VPS13C: variants seen among roughly 807,000 people sequenced by gnomAD.
The protein encoded by VPS13C is intermembrane lipid transfer protein VPS13C.
In VPS13C, 358 loss-of-function variants were observed where a neutral mutation model predicts 456.8. The observed-to-expected ratio is 0.78, with a 90% confidence interval of 0.72 to 0.86. The LOEUF is 0.86. VPS13C is among the 40% of genes least tolerant of loss of function. The pLI, the probability that VPS13C is intolerant of heterozygous loss-of-function variation, is 0.00. For synonymous variants in VPS13C, 1,578 were observed against 1,486.7 expected, an observed-to-expected ratio of 1.06 and a Z score of -1.41; for missense variants, 4,818 against 4,385.4, an observed-to-expected ratio of 1.10 and a Z score of -2.79.
chr15:61,866,589 G>T (rs1315997184), intron 81 of VPS13C: 9 of 984,948 alleles, frequency 9.1e-6, no homozygotes, highest in Non-Finnish European at 1.1e-5. Flanking sequence ...ATTTGTGCTT[G>T]ACTCTCCTAG....
intron 68 of VPS13C, among the ~76,000 whole-genome samples, chr15:61,883,548 T>C (rs976690768): frequency 6.6e-6 from 1 of 152,078 alleles, no homozygotes; most frequent in Non-Finnish European, 1.5e-5. Context: ...AAGCTGGAAA[T>C]TGCAGTCAAG....
rs748157001 is a variant in VPS13C, at chr15:61,972,670, T to G, written c.2712A>C (p.Pro904=). 6.2e-7 allele frequency: 1 copy of G among 1,613,580 alleles called. No individual in the cohort carries two copies. Among genetic ancestry groups the G allele is most frequent in the Non-Finnish European group, 8.5e-7 (1 of 1,179,750 alleles). ...GTAGAAGATTGATGAGCTCCTCATT[T>G]GGGACCTCTGCAGCTTTTTTAAGTT... ...GSELKKAAEV[P]NEELINLLLK... is the part of the protein sequence containing the mutation. The change falls in exon 27 of 85, where the codon CCA becomes CCC. Residue 904 remains proline, a synonymous_variant. Coordinates refer to ENST00000644861, the MANE Select transcript of VPS13C (RefSeq NM_020821.3).
At chr15:61,907,019 T>G in intron 66 of VPS13C, 1 of 398,164 alleles carries the variant, frequency 2.5e-6, no homozygotes, top group Non-Finnish European at 4.5e-6. Flanking sequence ...ATTAAAAAGG[T>G]GCTTTACATA....
At chr15:62,045,672 T>C (rs971465472) in intron 1 of VPS13C, among the ~76,000 whole-genome samples, 1 of 152,144 alleles carries the variant, frequency 6.6e-6, no homozygotes, top group Admixed American at 6.5e-5. Context: ...TTAGAATCAT[T>C]ACTCAACTGT....
chr15:61,946,745 C>A (rs1319628772), intron 43 of VPS13C, among the ~76,000 whole-genome samples: 1 of 151,680 alleles, frequency 6.6e-6, no homozygotes, highest in Non-Finnish European at 1.5e-5. Context: ...TTGGCAAGAT[C>A]AGCAGTGGTC....
At chr15:62,034,872 A>T in intron 4 of VPS13C, 85 bp downstream of exon 4, 1 of 890,952 alleles carries the variant, frequency 1.1e-6, no homozygotes, top group Non-Finnish European at 1.7e-6. Context: ...TATCTTAATA[A>T]ATAAATGTAT....
intron 3 of VPS13C, among the ~76,000 whole-genome samples, chr15:62,039,977 A>C (rs2048186585): frequency 6.6e-6 from 1 of 152,180 alleles, no homozygotes. Flanking sequence ...TCAACAGGTG[A>C]ATGGTTAAAG....
intron 55 of VPS13C, 85 bp downstream of exon 55, chr15:61,921,862 C>A: frequency 1.4e-6 from 2 of 1,399,394 alleles, no homozygotes; most frequent in South Asian, 1.2e-5. Flanking sequence ...GATCCTAGAC[C>A]ACATCTTAAG....
chr15:61,946,424 A>G lies in VPS13C; in HGVS notation c.4877-14T>C. On this transcript the variant is annotated splice_polypyrimidine_tract_variant and intron_variant, in intron 43 of 84. Coordinates refer to ENST00000644861, the MANE Select transcript of VPS13C (RefSeq NM_020821.3). ...AGGCATCCATTCCTATAGGAAACAT[A>G]ACATTTATAAACTTTTCACCCAATC... The G allele has an allele frequency of 6.4e-7, 1 of 1,572,094 alleles. No individual in the cohort carries two copies. The highest frequency in any genetic ancestry group is 8.6e-7 in the Non-Finnish European group (1 of 1,160,554).
At position 61,880,655 on chromosome 15, in the gene VPS13C, A is replaced by G. The variant is rs575229012; in HGVS notation, c.9956T>C (p.Met3319Thr). The change falls in exon 73 of 85, where the codon ATG becomes ACG. Residue 3319 changes from methionine (M) to threonine (T), a missense_variant. Met to Thr is a moderately conservative substitution (Grantham distance 81, BLOSUM62 -1). This residue lies in a region of VPS13C where 4,552 missense variants were observed against 4,130.6 expected (regional missense o/e 1.10). Coordinates refer to ENST00000644861, the MANE Select transcript of VPS13C (RefSeq NM_020821.3). ...AELMETSMTD[M>T]SILSFFEHFH... is the part of the protein sequence containing the mutation. ...ATGTTCAAAGAAACTAAGAATTGACATATCAGTCATTGAAGTCTCCATTAA... is the reference window on the plus strand; with the variant it reads ...ATGTTCAAAGAAACTAAGAATTGACGTATCAGTCATTGAAGTCTCCATTAA... 3.1e-6 allele frequency: 5 copies of G among 1,600,498 alleles called. No homozygotes were observed. Among genetic ancestry groups the G allele is most frequent in the South Asian group, 1.1e-5 (1 of 87,254 alleles).
intron 9 of VPS13C, among the ~76,000 whole-genome samples, chr15:62,015,798 G>C (rs2047219611): frequency 8.4e-6 from 1 of 118,992 alleles, no homozygotes; most frequent in African/African-American, 3.2e-5. Context: ...AGGGGGGAGG[G>C]GGGAGGGATA....
At chr15:61,856,441 T>TC (rs1421028320) in intron 82 of VPS13C, 32 bp from the exon 83 acceptor site, 23 of 1,609,246 alleles carry the variant, frequency 1.4e-5, no homozygotes, top group Non-Finnish European at 2.0e-5. Flanking sequence ...AAACTTACAG[T>TC]AAATGATGAA....
intron 81 of VPS13C, chr15:61,865,790 ATATGTG>A (rs1347155622): frequency 2.6e-6 from 2 of 757,194 alleles, no homozygotes; most frequent in African/African-American, 4.6e-5. Context: ...ATGTGTATAT[ATATGTG>A]TGTGTGTATA....
At position 61,969,288 on chromosome 15, in the gene VPS13C, A is replaced by G; in HGVS notation, c.2911+11T>C. On this transcript the variant is annotated intron_variant, in intron 28 of 84. Coordinates refer to ENST00000644861, the MANE Select transcript of VPS13C (RefSeq NM_020821.3). ...ATTATAGGCTATTATTTCTATTTTT[A>G]TGGGTATTACCTTCAATTTCATGAT... 3 of 1,556,654 alleles carry G rather than the reference A, an allele frequency of 1.9e-6. No individual in the cohort carries two copies. Among genetic ancestry groups the G allele is most frequent in the Non-Finnish European group, 2.6e-6 (3 of 1,149,700 alleles).
At chr15:61,964,476 G>T (rs1019114283) in intron 31 of VPS13C, among the ~76,000 whole-genome samples, 1 of 151,968 alleles carries the variant, frequency 6.6e-6, no homozygotes, top group Non-Finnish European at 1.5e-5. Context: ...CTACCTAAGG[G>T]CTTCCTACAC....
At chr15:62,010,376 C>T (rs958481753) in intron 13 of VPS13C, 96 bp downstream of exon 13, 1 of 1,315,904 alleles carries the variant, frequency 7.6e-7, no homozygotes. Context: ...TAACAAACCC[C>T]AAAAAACCAC....
rs2140827061 is a variant in VPS13C at position 61,854,395 on chromosome 15, G to A, written c.*62C>T. The stretch of plus-strand genomic sequence containing the variant: ...ATTGTCTTTAGCAAGATAAAGCAGA[G>A]TGACTTATAGACAAGACCAGTGATT... On this transcript the variant is annotated 3_prime_UTR_variant, in exon 85 of 85. Coordinates refer to ENST00000644861, the MANE Select transcript of VPS13C (RefSeq NM_020821.3). 7.0e-7 allele frequency: 1 copy of A among 1,432,304 alleles called. No homozygotes were observed. The highest frequency in any genetic ancestry group is 9.9e-7 in the Non-Finnish European group (1 of 1,014,162). 88.7% of individuals were successfully genotyped at this position (1,432,304 alleles called of 1,614,324 possible). A position where few individuals can be genotyped will look rare whatever the true frequency, so the allele number is the denominator to read the frequency against.
intron 2 of VPS13C, among the ~76,000 whole-genome samples, chr15:62,043,087 T>G (rs2048293172): frequency 6.6e-6 from 1 of 151,958 alleles, no homozygotes; most frequent in African/African-American, 2.4e-5. Context: ...AAAACCTCTT[T>G]TCCAATCTAT....
intron 3 of VPS13C, among the ~76,000 whole-genome samples, chr15:62,040,787 A>T (rs1453322716): frequency 6.6e-6 from 1 of 152,210 alleles, no homozygotes; most frequent in Non-Finnish European, 1.5e-5. Context: ...TTGTAGATTA[A>T]ATTTCCTATT....
Sources: allele counts gnomAD v4.1 joint callset (sites outside exome capture counted in the v4.1 genomes callset), GRCh38; gene constraint gnomAD v4.1.1; regional missense constraint gnomAD v4.1.1; transcripts MANE v1.5; gene names NCBI Gene and HGNC (gene_info 2026-07-23, HGNC 2026-07-21).